The following PRTG variants were observed in gnomAD, a reference collection of about 807,000 sequenced individuals.
PRTG encodes the protein protogenin, also known as immunoglobulin superfamily, DCC subclass, member 5.
In PRTG, 67 loss-of-function variants were observed where a neutral mutation model predicts 122.5. The ratio of observed to expected loss-of-function variants is 0.55; its 90% CI spans 0.45 to 0.67. The LOEUF is 0.67. PRTG is among the 30% of genes least tolerant of loss of function. The pLI is 0.00. For synonymous variants in PRTG, 554 were observed against 501.1 expected, an observed-to-expected ratio of 1.11 and a Z score of -1.41; for missense variants, 1,435 against 1,415.4, an observed-to-expected ratio of 1.01 and a Z score of -0.22.
At chr15:55,669,858 C>T (rs1017382350) in intron 11 of PRTG, among the ~76,000 whole-genome samples, 8 of 152,188 alleles carry the variant, frequency 5.3e-5, no homozygotes, top group African/African-American at 1.7e-4. Context: ...TATAATTCCA[C>T]AGTCAGGAAA....
rs1170082226 is a variant in PRTG, at chr15:55,638,555, G to C, written c.2446C>G (p.Pro816Ala). Residue 816 changes from proline to alanine, a missense_variant, in exon 14 of 20, where the codon CCA becomes GCA. Transcript: ENST00000389286. ...WSPVVYHSTLPEAPAGPPVGV... is the reference protein window; with the variant it reads ...WSPVVYHSTLAEAPAGPPVGV... ...AGGGAGCTGTTTTCTTTACCTTCTGGAAGAGTAGAATGGTAGACTACAGGG... is the reference window on the plus strand; with the variant it reads ...AGGGAGCTGTTTTCTTTACCTTCTGCAAGAGTAGAATGGTAGACTACAGGG... 3 of 1,601,340 alleles carry C rather than the reference G, an allele frequency of 1.9e-6. No individual in the cohort carries two copies. Among genetic ancestry groups the C allele is most frequent in the South Asian group, 1.1e-5 (1 of 88,194 alleles).
chr15:55,706,060 C>T (rs187934400), intron 2 of PRTG, among the ~76,000 whole-genome samples: 5 of 126,272 alleles, frequency 4.0e-5, no homozygotes, highest in African/African-American at 6.1e-5. Context: ...CGGGATTTCA[C>T]CATGTTAGCC....
chr15:55,621,914 C>A (rs1270443809), intron 18 of PRTG, among the ~76,000 whole-genome samples: 1 of 152,138 alleles, frequency 6.6e-6, no homozygotes, highest in Non-Finnish European at 1.5e-5. Flanking sequence ...ATTCTCTCAA[C>A]TTTTCTGTAT....
At chr15:55,714,414 A>G (rs1207947175) in intron 2 of PRTG, among the ~76,000 whole-genome samples, 1 of 148,944 alleles carries the variant, frequency 6.7e-6, no homozygotes, top group African/African-American at 2.5e-5. Flanking sequence ...CATTTTTTGT[A>G]GACAGGAGGT....
At chr15:55,675,268 A>C (rs2141801783) in intron 9 of PRTG, among the ~76,000 whole-genome samples, 1 of 152,214 alleles carries the variant, frequency 6.6e-6, no homozygotes, top group East Asian at 1.9e-4. Flanking sequence ...ACATATTTAC[A>C]ATTTAAACTA....
chr15:55,742,275 C>G (rs2031632532), intron 1 of PRTG: 1 of 152,424 alleles, frequency 6.6e-6, no homozygotes, highest in African/African-American at 2.4e-5. Context: ...TGGCTGGATC[C>G]AGATCCGGCA....
Position 55,680,566 on chromosome 15 carries a change from ATGT to A in PRTG, c.736_738del (p.Thr246del), listed in dbSNP as rs772145552. The A allele has an allele frequency of 3.1e-6, 5 of 1,601,030 alleles. No individual in the cohort carries two copies. The highest frequency in any genetic ancestry group is 4.3e-6 in the Non-Finnish European group (5 of 1,173,086). On this transcript the variant is annotated inframe_deletion, in exon 5 of 20. Coordinates refer to ENST00000389286, the MANE Select transcript of PRTG (RefSeq NM_173814.6). ...TCCAAAACTACAGTCTGATGAAGAG[ATGT>A]TGTTATGTTCTGTGGACCTGCTATA...
rs2059135528 is a variant in PRTG at position 55,614,960 on chromosome 15, T to C, written c.*5052A>G. On this transcript the variant is annotated 3_prime_UTR_variant, in exon 20 of 20. Transcript: ENST00000389286. ...TGTTACCAAACATAGCAAAAGGAAC[T>C]CTGTAGATGTGATTAAGTTGAGGAA... 6.6e-6 allele frequency: 1 copy of C among 152,072 alleles called. No individual in the cohort carries two copies. The highest frequency in any genetic ancestry group is 2.1e-4 in the South Asian group (1 of 4,826). 9.4% of individuals were successfully genotyped at this position (152,072 alleles called of 1,614,324 possible). A position where few individuals can be genotyped will look rare whatever the true frequency, so the allele number is the denominator to read the frequency against.
chr15:55,688,624 A>G (rs959981051), intron 2 of PRTG, among the ~76,000 whole-genome samples: 112 of 152,270 alleles, frequency 7.4e-4, no homozygotes, highest in African/African-American at 2.5e-3. Context: ...TCACAAAGTC[A>G]AGAGATCCAG....
chr15:55,716,570 G>C (rs1485624955), intron 2 of PRTG, among the ~76,000 whole-genome samples: 1 of 152,110 alleles, frequency 6.6e-6, no homozygotes, highest in African/African-American at 2.4e-5. Context: ...TCAAGTGCTG[G>C]GAGGATCCAA....
intron 2 of PRTG, chr15:55,738,379 T>G: frequency 1.6e-6 from 1 of 636,520 alleles, no homozygotes; most frequent in East Asian, 2.8e-5. Context: ...CCAAAAGTGT[T>G]TCTGGAAGCC....
intron 11 of PRTG, among the ~76,000 whole-genome samples, chr15:55,649,448 G>A (rs746385089): frequency 6.6e-6 from 1 of 152,030 alleles, no homozygotes; most frequent in Non-Finnish European, 1.5e-5. Context: ...TTTAAAAGAG[G>A]GCTTGAGTAC....
intron 15 of PRTG, among the ~76,000 whole-genome samples, chr15:55,633,043 T>C (rs185090752): frequency 5.0e-4 from 76 of 152,332 alleles, no homozygotes; most frequent in Middle Eastern, 3.4e-3. Flanking sequence ...GAAAGGTATA[T>C]GGTATTCCTC....
chr15:55,629,057 C>A, intron 15 of PRTG, 53 bp from the exon 16 acceptor site: 1 of 1,280,022 alleles, frequency 7.8e-7, no homozygotes, highest in Non-Finnish European at 1.1e-6. Context: ...TATTCTTTCA[C>A]TCATATTATA....
chr15:55,731,655 C>T (rs2031238503), intron 2 of PRTG, among the ~76,000 whole-genome samples: 1 of 152,148 alleles, frequency 6.6e-6, no homozygotes, highest in African/African-American at 2.4e-5. Flanking sequence ...AGGCGTGAGC[C>T]ACCATGCCCA....
At position 55,740,605 on chromosome 15, in the gene PRTG, T is replaced by C; in HGVS notation, c.174A>G (p.Leu58=). 1 of 1,587,974 alleles carries C rather than the reference T, an allele frequency of 6.3e-7. No individual in the cohort carries two copies. Among genetic ancestry groups the C allele is most frequent in the Non-Finnish European group, 8.6e-7 (1 of 1,162,460 alleles). Residue 58 remains leucine, a synonymous_variant, in exon 2 of 20, where the codon TTA becomes TTG. Coordinates refer to ENST00000389286, the MANE Select transcript of PRTG (RefSeq NM_173814.6). ...GAACTTCTCCGTGAGCCTGGCAATCTAAAACGACTGGGTCCTTTCTTGTGA... is the reference window on the plus strand; with the variant it reads ...GAACTTCTCCGTGAGCCTGGCAATCCAAAACGACTGGGTCCTTTCTTGTGA... ...VTVTRKDPVV[L]DCQAHGEVPI...
chr15:55,639,565 G>T, intron 13 of PRTG, 77 bp downstream of exon 13: 2 of 1,324,680 alleles, frequency 1.5e-6, no homozygotes, highest in Non-Finnish European at 2.1e-6. Context: ...CTGGGCCCAA[G>T]ATGGTAAGAG....
chr15:55,672,643 T>G lies in PRTG; in HGVS notation c.1853-10A>C. On this transcript the variant is annotated splice_polypyrimidine_tract_variant and intron_variant, in intron 10 of 19. Coordinates refer to ENST00000389286, the MANE Select transcript of PRTG (RefSeq NM_173814.6). Reference sequence around the variant, plus strand: ...TCTGGAGACTTAGGGGCTAGCAAAATTCATCAGAAAATGTATGTATAAACA... The same window carrying G: ...TCTGGAGACTTAGGGGCTAGCAAAAGTCATCAGAAAATGTATGTATAAACA... 1 of 1,603,266 alleles carries G rather than the reference T, an allele frequency of 6.2e-7. No homozygotes were observed.
At chr15:55,647,985 C>A (rs1187054567) in intron 11 of PRTG, among the ~76,000 whole-genome samples, 1 of 152,174 alleles carries the variant, frequency 6.6e-6, no homozygotes, top group Non-Finnish European at 1.5e-5. Flanking sequence ...ATGCTTGCTG[C>A]TTTGGCAACC....
Sources: gnomAD v4.1 joint callset for allele counts (sites outside exome capture counted in the v4.1 genomes callset) on GRCh38, gnomAD v4.1.1 for gene constraint, MANE v1.5 for transcripts, NCBI Gene and HGNC (gene_info 2026-07-23, HGNC 2026-07-21) for gene names.